TNR: variants seen among roughly 807,000 people sequenced by gnomAD.
TNR encodes tenascin-R.
A neutral mutation model predicts 150.4 loss-of-function variants in TNR; 45 were observed. The ratio of observed to expected loss-of-function variants is 0.30; its 90% CI spans 0.24 to 0.38. TNR has a LOEUF of 0.38. TNR is among the 10% of genes least tolerant of loss of function. The pLI is 1.00. For missense variants in TNR, 1,544 were observed against 1,759.1 expected (o/e 0.88, Z 2.19); for synonymous variants, 687 against 678.4 (o/e 1.01, Z -0.20).
rs77835416 is a variant in TNR at position 175,337,940 on chromosome 1, C to A, written c.3383-261G>T. Among the ~76,000 whole-genome samples, 632 of 152,330 alleles carry A rather than the reference C, an allele frequency of 4.1e-3. 3 individuals are homozygous for A. Among genetic ancestry groups the A allele is most frequent in the African/African-American group, 0.015 (620 of 41,582 alleles). ...GGTCTGTGTTCATGGTCTAGCTCCA[C>A]CAGTTACCTATTTATTTGACTTTAA... On this transcript the variant is annotated intron_variant, in intron 18 of 22. Transcript: ENST00000367674.
At chr1:175,488,134 T>C (rs1658092854) in intron 2 of TNR, among the ~76,000 whole-genome samples, 1 of 152,178 alleles carries the variant, frequency 6.6e-6, no homozygotes, top group Non-Finnish European at 1.5e-5. Flanking sequence ...GGCAGATTGA[T>C]TTTTAAAAGG....
intron 2 of TNR, among the ~76,000 whole-genome samples, chr1:175,498,232 C>T (rs868656519): frequency 2.6e-5 from 4 of 152,202 alleles, no homozygotes; most frequent in African/African-American, 7.2e-5. Context: ...GAAACTGTTG[C>T]CAGGAGCAGC....
intron 2 of TNR, among the ~76,000 whole-genome samples, chr1:175,527,165 G>C (rs1019796941): frequency 6.6e-6 from 1 of 152,206 alleles, no homozygotes; most frequent in Non-Finnish European, 1.5e-5. Context: ...CTTGGTTGCA[G>C]AGAACTTGAT....
intron 1 of TNR, among the ~76,000 whole-genome samples, chr1:175,716,529 T>C (rs777834487): frequency 6.6e-6 from 1 of 152,180 alleles, no homozygotes; most frequent in Non-Finnish European, 1.5e-5. Context: ...TCTGTTCCCA[T>C]TTTCACCTCC....
At chr1:175,723,171 C>T (rs1475768337) in intron 1 of TNR, among the ~76,000 whole-genome samples, 1 of 152,206 alleles carries the variant, frequency 6.6e-6, no homozygotes, top group Admixed American at 6.5e-5. Context: ...GAAAGATGCA[C>T]AATAGACAGA....
chr1:175,486,673 G>T (rs1036235459), intron 2 of TNR, among the ~76,000 whole-genome samples: 17 of 152,112 alleles, frequency 1.1e-4, no homozygotes, highest in Non-Finnish European at 1.9e-4. Flanking sequence ...AGTGTTTCTT[G>T]TTTTAGATCC....
intron 1 of TNR, among the ~76,000 whole-genome samples, chr1:175,691,820 C>G (rs911339924): frequency 3.9e-5 from 6 of 152,078 alleles, no homozygotes; most frequent in Non-Finnish European, 8.8e-5. Context: ...CTGCCAAAAC[C>G]ATCGTGTGAT....
intron 9 of TNR, among the ~76,000 whole-genome samples, chr1:175,373,447 A>T (rs2236880): frequency 0.42 from 64,234 of 151,948 alleles, 13,832 homozygotes; most frequent in Middle Eastern, 0.49. Context: ...CTCTTTGGAT[A>T]ATGACAGGTG....
chr1:175,547,593 GAAA>G (rs1660744867), intron 1 of TNR, among the ~76,000 whole-genome samples: 1 of 26,440 alleles, frequency 3.8e-5, no homozygotes, highest in Non-Finnish European at 1.5e-4. Flanking sequence ...AAGAAAGAAA[GAAA>G]GAAAGAAAGA....
intron 1 of TNR, among the ~76,000 whole-genome samples, chr1:175,543,871 G>A (rs1049148073): frequency 2.6e-5 from 4 of 152,040 alleles, no homozygotes; most frequent in Non-Finnish European, 5.9e-5. Context: ...TTACTGAAAG[G>A]TGCCCAGACT....
intron 1 of TNR, among the ~76,000 whole-genome samples, chr1:175,529,484 G>C (rs1659981127): frequency 6.6e-6 from 1 of 152,172 alleles, no homozygotes; most frequent in Non-Finnish European, 1.5e-5. Context: ...TGGCGAGTGG[G>C]GACAATAATT....
chr1:175,410,425 G>T (rs1221209411), intron 2 of TNR, among the ~76,000 whole-genome samples: 2 of 152,134 alleles, frequency 1.3e-5, no homozygotes, highest in African/African-American at 2.4e-5. Flanking sequence ...GCAATATAAC[G>T]ACAATGCAAT....
chr1:175,357,374 T>C (rs1207172842), intron 15 of TNR, among the ~76,000 whole-genome samples: 1 of 152,220 alleles, frequency 6.6e-6, no homozygotes, highest in East Asian at 1.9e-4. Flanking sequence ...ATTTAACAGT[T>C]TACTAGGCAC....
chr1:175,438,073 A>C (rs1457087475), intron 2 of TNR, among the ~76,000 whole-genome samples: 2 of 152,116 alleles, frequency 1.3e-5, no homozygotes, highest in African/African-American at 4.8e-5. Flanking sequence ...GAGACACAAT[A>C]AAAAAAGAGA....
At chr1:175,613,456 C>T (rs541442501) in intron 1 of TNR, among the ~76,000 whole-genome samples, 1 of 151,830 alleles carries the variant, frequency 6.6e-6, no homozygotes, top group South Asian at 2.1e-4. Context: ...TCCATCAACC[C>T]CACCCCATCC....
At chr1:175,645,462 G>A (rs1362191666) in intron 1 of TNR, among the ~76,000 whole-genome samples, 3 of 152,172 alleles carry the variant, frequency 2.0e-5, no homozygotes, top group Non-Finnish European at 2.9e-5. Flanking sequence ...GCCAAGAGAA[G>A]CAAACATTTT....
At position 175,324,431 on chromosome 1, in the gene TNR, G is replaced by A. The variant is rs1262114808; in HGVS notation, c.3882C>T (p.Tyr1294=). 1 of 1,613,984 alleles carries A rather than the reference G, an allele frequency of 6.2e-7. No individual in the cohort carries two copies. The highest frequency in any genetic ancestry group is 8.5e-7 in the Non-Finnish European group (1 of 1,180,016). The change falls in exon 22 of 23, where the codon TAC becomes TAT. Residue 1294 remains tyrosine (Y), a synonymous_variant. Coordinates refer to ENST00000367674, the MANE Select transcript of TNR (RefSeq NM_003285.3). ...DVAVTNCAMS[Y]KGAWWYKNCH... is the part of the protein sequence containing the mutation. ...AGTTCTTATACCACCATGCTCCCTTGTACGACATGGCACAGTTAGTCACTG... is the reference window on the plus strand; with the variant it reads ...AGTTCTTATACCACCATGCTCCCTTATACGACATGGCACAGTTAGTCACTG...
intron 9 of TNR, among the ~76,000 whole-genome samples, chr1:175,377,066 G>C (rs1230002104): frequency 6.6e-6 from 1 of 152,090 alleles, no homozygotes; most frequent in Non-Finnish European, 1.5e-5. Flanking sequence ...GACTCGAAAG[G>C]ACTGGCTTTG....
At chr1:175,529,800 G>A (rs933891081) in intron 1 of TNR, among the ~76,000 whole-genome samples, 1 of 152,078 alleles carries the variant, frequency 6.6e-6, no homozygotes, top group African/African-American at 2.4e-5. Context: ...CCTCACCTGT[G>A]AGGTGCTAAC....
Sources: gnomAD v4.1 joint callset for allele counts (sites outside exome capture counted in the v4.1 genomes callset) on GRCh38, gnomAD v4.1.1 for gene constraint, MANE v1.5 for transcripts, NCBI Gene and HGNC (gene_info 2026-07-23, HGNC 2026-07-21) for gene names.